The following FOXK1 variants were observed in gnomAD, a reference collection of about 807,000 sequenced individuals.
The protein encoded by FOXK1 is forkhead box protein K1.
In FOXK1, 19 loss-of-function variants were observed where a neutral mutation model predicts 51.9. The observed-to-expected ratio is 0.37, with a 90% CI of 0.26 to 0.54. FOXK1 has a LOEUF of 0.54. FOXK1 is among the 20% of genes least tolerant of loss of function. The pLI, the probability that FOXK1 is intolerant of heterozygous loss-of-function variation, is 0.87. For missense variants in FOXK1, 870 were observed against 1,032.7 expected, an observed-to-expected ratio of 0.84 and a Z score of 2.16; for synonymous variants, 537 against 482.6, an observed-to-expected ratio of 1.11 and a Z score of -1.48.
intron 1 of FOXK1, among the ~76,000 whole-genome samples, chr7:4,698,967 C>T (rs929058275): frequency 2.6e-5 from 4 of 152,180 alleles, no homozygotes; most frequent in Admixed American, 1.3e-4. Context: ...GTGTTACAGG[C>T]GTGCACCACT....
In FOXK1 at chr7:4,706,012, ACG is replaced by A. The variant is rs1491238069; in HGVS notation, c.560+23145_560+23146del. Among the ~76,000 whole-genome samples, 369 of 109,320 alleles carry A rather than the reference ACG, an allele frequency of 3.4e-3. 39 individuals are homozygous for A. Among genetic ancestry groups the A allele is most frequent in the African/African-American group, 0.02 (356 of 17,566 alleles). The allele number at this position is 109,320 out of a possible 152,430, so 71.7% of individuals were successfully genotyped here. A position where few individuals can be genotyped will look rare whatever the true frequency, so the allele number is the denominator to read the frequency against. Reference sequence around the variant, plus strand: ...TATATACGTATATATACGTATATATACGTATATATACGTGTATATACGTGTAT... The same window carrying A: ...TATATACGTATATATACGTATATATATATATATACGTGTATATACGTGTAT... On this transcript the variant is annotated intron_variant, in intron 1 of 8. Transcript: ENST00000328914.
chr7:4,760,453 G>C (rs1311345677), intron 7 of FOXK1, among the ~76,000 whole-genome samples: 1 of 152,212 alleles, frequency 6.6e-6, no homozygotes, highest in Non-Finnish European at 1.5e-5. Context: ...CTGCAGTTTG[G>C]TGAGGGAAGG....
At chr7:4,710,530 G>A (rs1413851234) in intron 1 of FOXK1, among the ~76,000 whole-genome samples, 1 of 152,178 alleles carries the variant, frequency 6.6e-6, no homozygotes, top group African/African-American at 2.4e-5. Flanking sequence ...AGCCTCAATC[G>A]CGCCACTGCA....
chr7:4,713,037 C>T (rs1343720604), intron 1 of FOXK1, among the ~76,000 whole-genome samples: 1 of 152,112 alleles, frequency 6.6e-6, no homozygotes, highest in African/African-American at 2.4e-5. Flanking sequence ...TCTTCCTGGC[C>T]CCCTTAGGCC....
chr7:4,689,795 A>G (rs1779869485), intron 1 of FOXK1, among the ~76,000 whole-genome samples: 1 of 152,190 alleles, frequency 6.6e-6, no homozygotes, highest in Admixed American at 6.5e-5. Context: ...ACGTGGCATC[A>G]AGGACAGTGA....
rs1217251179 is a variant in FOXK1, at chr7:4,706,026, G to GTATA, written c.560+23161_560+23164dup. On this transcript the variant is annotated intron_variant, in intron 1 of 8. Transcript: ENST00000328914. ...TACGTATATATACGTATATATACGT[G>GTATA]TATATACGTGTATATACGTGTATAT... 9.9e-4 allele frequency among the ~76,000 whole-genome samples: 74 copies of GTATA among 74,402 alleles called. 4 individuals carry two copies. The highest frequency in any genetic ancestry group is 3.6e-3 in the African/African-American group (30 of 8,438). 48.8% of individuals were successfully genotyped at this position (74,402 alleles called of 152,430 possible).
chr7:4,738,708 C>G (rs1189310993), intron 1 of FOXK1, among the ~76,000 whole-genome samples: 1 of 152,186 alleles, frequency 6.6e-6, no homozygotes, highest in African/African-American at 2.4e-5. Context: ...TGGAAACAGT[C>G]TCAGAGTCCC....
At chr7:4,718,891 C>T (rs1473978047) in intron 1 of FOXK1, among the ~76,000 whole-genome samples, 2 of 152,204 alleles carry the variant, frequency 1.3e-5, no homozygotes, top group Non-Finnish European at 2.9e-5. Flanking sequence ...CTCCCCACAG[C>T]CTCCGCCTCC....
intron 1 of FOXK1, among the ~76,000 whole-genome samples, chr7:4,728,633 A>C (rs1244318578): frequency 6.8e-6 from 1 of 146,472 alleles, no homozygotes. Flanking sequence ...GTGCAAGCCT[A>C]TACTTCTGGC....
At chr7:4,741,626 C>T (rs148032566) in intron 2 of FOXK1, among the ~76,000 whole-genome samples, 374 of 152,286 alleles carry the variant, frequency 2.5e-3, no homozygotes, top group Middle Eastern at 6.8e-3. Context: ...CCACCGCGCA[C>T]GGCTGAAAAT....
chr7:4,754,137 T>G (rs1443058477), intron 2 of FOXK1, among the ~76,000 whole-genome samples: 1 of 151,996 alleles, frequency 6.6e-6, no homozygotes, highest in Non-Finnish European at 1.5e-5. Context: ...TGTAGGGGTG[T>G]GTGTGGGGGG....
At chr7:4,684,777 T>A (rs1333899747) in intron 1 of FOXK1, among the ~76,000 whole-genome samples, 1 of 152,192 alleles carries the variant, frequency 6.6e-6, no homozygotes, top group East Asian at 1.9e-4. Context: ...TGGAAACAGG[T>A]GCACTCCTGA....
intron 1 of FOXK1, among the ~76,000 whole-genome samples, chr7:4,687,734 C>T (rs1018259469): frequency 1.3e-5 from 2 of 152,122 alleles, no homozygotes; most frequent in Admixed American, 1.3e-4. Flanking sequence ...CCTTTTCGCC[C>T]AGTATTTTTA....
chr7:4,724,466 G>C (rs1583196617), intron 1 of FOXK1, among the ~76,000 whole-genome samples: 1 of 152,346 alleles, frequency 6.6e-6, no homozygotes, highest in African/African-American at 2.4e-5. Context: ...AAAGTGCTGG[G>C]ATTACAGGCG....
At chr7:4,740,766 C>A (rs1201701830) in intron 1 of FOXK1, 72 bp from the exon 2 acceptor site, 8 of 1,472,764 alleles carry the variant, frequency 5.4e-6, no homozygotes, top group Non-Finnish European at 5.5e-6. Flanking sequence ...CACAGACACG[C>A]ACCTTCCCTG....
At chr7:4,725,459 G>A (rs923019915) in intron 1 of FOXK1, among the ~76,000 whole-genome samples, 4 of 152,234 alleles carry the variant, frequency 2.6e-5, no homozygotes, top group African/African-American at 9.6e-5. Context: ...CCAGCCAGGG[G>A]GACACGGCCT....
Position 4,682,852 on chromosome 7 carries a change from C to G in FOXK1, c.544C>G (p.Leu182Val). 1 of 1,553,300 alleles carries G rather than the reference C, an allele frequency of 6.4e-7. No individual in the cohort carries two copies. Among genetic ancestry groups the G allele is most frequent in the Non-Finnish European group, 8.7e-7 (1 of 1,155,276 alleles). ...GAFQRRGAPA[L>V]QLPKQCTFRF... ...CTTCCAGAGACGCGGCGCGCCCGCC[C>G]TGCAGCTGCCCAAGCAGTGAGTGGC... Residue 182 changes from leucine to valine, a missense_variant, in exon 1 of 9, where the codon CTG becomes GTG. Coordinates refer to ENST00000328914, the MANE Select transcript of FOXK1 (RefSeq NM_001037165.2). The surrounding 1 kb of genome is among the most constrained non-coding windows in gnomAD (Gnocchi z 7.6).
At position 4,683,666 on chromosome 7, in the gene FOXK1, C is replaced by G. The variant is rs536868689; in HGVS notation, c.560+798C>G. Among the ~76,000 whole-genome samples, 18 of 152,244 alleles carry G rather than the reference C, an allele frequency of 1.2e-4. No individual in the cohort carries two copies. The highest frequency in any genetic ancestry group is 1.1e-3 in the Admixed American group (17 of 15,286). The stretch of plus-strand genomic sequence containing the variant: ...CCCCGACCCCCACCAGCCAGGGCCT[C>G]AAGTCACCCCAGTGCCTGATGCCTG... On this transcript the variant is annotated intron_variant, in intron 1 of 8. Coordinates refer to ENST00000328914, the MANE Select transcript of FOXK1 (RefSeq NM_001037165.2). The surrounding 1 kb of genome is among the most constrained non-coding windows in gnomAD (Gnocchi z 4.5).
chr7:4,682,852 C>A lies in FOXK1; in HGVS notation c.544C>A (p.Leu182Met). The change falls in exon 1 of 9, where the codon CTG becomes ATG. Residue 182 changes from leucine (L) to methionine (M), a missense_variant. By Grantham distance (15) the Leu-to-Met change is conservative. This residue lies in a region of FOXK1 where 399 missense variants were observed against 475.6 expected (regional missense o/e 0.84). Transcript: ENST00000328914. This position sits in a 1 kb window ranked among gnomAD's most constrained non-coding sequence, Gnocchi z 7.6. ...GAFQRRGAPA[L>M]QLPKQCTFRF... ...CTTCCAGAGACGCGGCGCGCCCGCC[C>A]TGCAGCTGCCCAAGCAGTGAGTGGC... The A allele has an allele frequency of 6.4e-7, 1 of 1,553,298 alleles. No individual in the cohort carries two copies. Among genetic ancestry groups the A allele is most frequent in the East Asian group, 2.4e-5 (1 of 42,106 alleles).
Sources: gnomAD v4.1 joint callset for allele counts (sites outside exome capture counted in the v4.1 genomes callset) on GRCh38, gnomAD v4.1.1 for gene constraint, gnomAD v4.1.1 regional missense constraint, Gnocchi (gnomAD v3.1) non-coding constraint, MANE v1.5 for transcripts, NCBI Gene and HGNC (gene_info 2026-07-23, HGNC 2026-07-21) for gene names.